The following PHACTR4 variants were observed in gnomAD, a reference collection of about 807,000 sequenced individuals.
PHACTR4 encodes the protein phosphatase and actin regulator 4.
A neutral mutation model predicts 72.7 loss-of-function variants in PHACTR4; 51 were observed. The ratio of observed to expected loss-of-function variants is 0.70; its 90% confidence interval spans 0.56 to 0.89. PHACTR4 has a LOEUF of 0.89. Among genes scored for constraint, PHACTR4 ranks in the 40% least tolerant of loss-of-function variants. The pLI is 0.00. For missense variants in PHACTR4, 731 were observed against 861.8 expected (o/e 0.85, Z 1.90); for synonymous variants, 255 against 302.5 (o/e 0.84, Z 1.63).
chr1:28,489,346 C>G (rs756441952), intron 10 of PHACTR4, 121 bp downstream of exon 10: 14 of 754,514 alleles, frequency 1.9e-5, no homozygotes, highest in Non-Finnish European at 3.0e-5. Flanking sequence ...TCCAGCCAGG[C>G]AAGGACTATT....
chr1:28,414,055 CTTGTAT>C (rs1557797872), intron 2 of PHACTR4, among the ~76,000 whole-genome samples: 2 of 152,020 alleles, frequency 1.3e-5, no homozygotes. Context: ...TTTAATTTTA[CTTGTAT>C]TTGTATTTTA....
At chr1:28,379,232 C>T (rs900717947) in intron 1 of PHACTR4, among the ~76,000 whole-genome samples, 3 of 151,066 alleles carry the variant, frequency 2.0e-5, no homozygotes, top group South Asian at 2.1e-4. Flanking sequence ...TTGAATTACA[C>T]GCATGAGCCA....
At chr1:28,376,432 CA>C (rs1475537279) in intron 1 of PHACTR4, among the ~76,000 whole-genome samples, 2 of 151,788 alleles carry the variant, frequency 1.3e-5, no homozygotes, top group Non-Finnish European at 2.9e-5. Context: ...CCTCCCACCT[CA>C]ACCCCCTGAG....
At chr1:28,426,663 CAA>C (rs557879584) in intron 2 of PHACTR4, among the ~76,000 whole-genome samples, 2 of 123,552 alleles carry the variant, frequency 1.6e-5, no homozygotes. Context: ...GACTCCGTCT[CAA>C]AAAAAAAAAG....
chr1:28,423,514 A>G (rs61783827), intron 2 of PHACTR4, among the ~76,000 whole-genome samples: 58,528 of 152,034 alleles, frequency 0.38, 12,965 homozygotes, highest in African/African-American at 0.6. Context: ...TCCATGTAGC[A>G]TAAGTATGGT....
intron 1 of PHACTR4, among the ~76,000 whole-genome samples, chr1:28,404,276 CTTTTTTT>C (rs58454588): frequency 3.3e-4 from 33 of 101,416 alleles, no homozygotes; most frequent in Middle Eastern, 5.1e-3. Flanking sequence ...TATGAACATC[CTTTTTTT>C]TTTTTTTTTT....
intron 1 of PHACTR4, among the ~76,000 whole-genome samples, chr1:28,390,016 A>G (rs1652878976): frequency 6.6e-6 from 1 of 152,236 alleles, no homozygotes; most frequent in Non-Finnish European, 1.5e-5. Context: ...ATATATACAC[A>G]ACGAAATACT....
intron 2 of PHACTR4, 124 bp from the exon 3 acceptor site, chr1:28,458,961 C>A: frequency 1.3e-6 from 1 of 788,236 alleles, no homozygotes; most frequent in Non-Finnish European, 1.9e-6. Context: ...TCCCTGTCTG[C>A]ATGATTGTTT....
chr1:28,451,038 T>G (rs1262056011), intron 2 of PHACTR4, among the ~76,000 whole-genome samples: 1 of 148,252 alleles, frequency 6.7e-6, no homozygotes, highest in African/African-American at 2.5e-5. Context: ...CATGCTGGTC[T>G]CCAACTCCTG....
At chr1:28,386,509 G>C (rs1010964988) in intron 1 of PHACTR4, among the ~76,000 whole-genome samples, 4 of 152,118 alleles carry the variant, frequency 2.6e-5, no homozygotes, top group African/African-American at 9.7e-5. Flanking sequence ...ATCTAATAAT[G>C]TCAGTGGGGT....
At chr1:28,417,929 G>C (rs1293673187) in intron 2 of PHACTR4, among the ~76,000 whole-genome samples, 2 of 140,468 alleles carry the variant, frequency 1.4e-5, no homozygotes, top group Non-Finnish European at 1.5e-5. Context: ...AACAGCCTAG[G>C]CAACATTGGG....
At chr1:28,445,043 C>A (rs558282754) in intron 2 of PHACTR4, among the ~76,000 whole-genome samples, 2 of 151,954 alleles carry the variant, frequency 1.3e-5, no homozygotes, top group Non-Finnish European at 2.9e-5. Context: ...GCAACCTCCA[C>A]CTCTCGGGTT....
chr1:28,432,604 T>G (rs1656349621), intron 2 of PHACTR4, among the ~76,000 whole-genome samples: 1 of 151,868 alleles, frequency 6.6e-6, no homozygotes, highest in Non-Finnish European at 1.5e-5. Context: ...ACCTCTGCAC[T>G]CCAGCCTAAG....
At chr1:28,386,663 A>G (rs1315162549) in intron 1 of PHACTR4, among the ~76,000 whole-genome samples, 1 of 152,070 alleles carries the variant, frequency 6.6e-6, no homozygotes, top group East Asian at 1.9e-4. Context: ...TGTTTTTTTA[A>G]ATAATGCTAT....
At chr1:28,453,683 CCTGGTTCCTCT>C (rs948850492) in intron 2 of PHACTR4, 2 of 1,264,508 alleles carry the variant, frequency 1.6e-6, no homozygotes, top group African/African-American at 2.9e-5. Context: ...ATGGACCCGT[CCTGGTTCCTCT>C]TACTTCAATT....
intron 4 of PHACTR4, among the ~76,000 whole-genome samples, chr1:28,464,260 C>G (rs1659001177): frequency 6.6e-6 from 1 of 152,164 alleles, no homozygotes; most frequent in African/African-American, 2.4e-5. Flanking sequence ...GCCACTACAC[C>G]CGGCCCCCCA....
chr1:28,385,956 C>T (rs1470740594), intron 1 of PHACTR4, among the ~76,000 whole-genome samples: 2 of 151,986 alleles, frequency 1.3e-5, no homozygotes, highest in Non-Finnish European at 2.9e-5. Flanking sequence ...TAGTTTGATT[C>T]CGCTGTGGTC....
Position 28,490,707 on chromosome 1 carries a change from A to G in PHACTR4, c.1817-244A>G, listed in dbSNP as rs540352036. On this transcript the variant is annotated intron_variant, in intron 10 of 13. Transcript: ENST00000373839. ...CTAAAAATACAAAAATCAGCTGTGC[A>G]TGGCATGTGCCTGTAATCCCAGCTA... Among the ~76,000 whole-genome samples, 4 of 147,986 alleles carry G rather than the reference A, an allele frequency of 2.7e-5. No homozygotes were observed. In the Admixed American group the frequency reaches 2.7e-4, roughly 10 times the overall value.
Position 28,496,984 on chromosome 1 carries a change from G to T in PHACTR4, c.*435G>T. ...TTCCAGCCATCAAATCCAATTCCTG[G>T]TGGGGAAAACCTTCTGGAGACCCCC... On this transcript the variant is annotated 3_prime_UTR_variant, in exon 14 of 14. Coordinates refer to ENST00000373839, the MANE Select transcript of PHACTR4 (RefSeq NM_001048183.3). The T allele has an allele frequency of 4.8e-6, 1 of 209,180 alleles. No individual in the cohort carries two copies. The highest frequency in any genetic ancestry group is 9.7e-6 in the Non-Finnish European group (1 of 103,390). 13.0% of individuals were successfully genotyped at this position (209,180 alleles called of 1,614,324 possible). A position where few individuals can be genotyped will look rare whatever the true frequency, so the allele number is the denominator to read the frequency against.
Sources: gnomAD v4.1 joint callset for allele counts (sites outside exome capture counted in the v4.1 genomes callset) on GRCh38, gnomAD v4.1.1 for gene constraint, MANE v1.5 for transcripts, NCBI Gene and HGNC (gene_info 2026-07-23, HGNC 2026-07-21) for gene names.